The following CADM2 variants were observed in gnomAD, a reference collection of about 807,000 sequenced individuals.
CADM2 encodes cell adhesion molecule 2.
In CADM2, 12 loss-of-function variants were observed where a neutral mutation model predicts 49.8. The observed-to-expected ratio is 0.24, with a 90% CI of 0.15 to 0.39. CADM2 has a LOEUF of 0.39. CADM2 is among the 10% of genes least tolerant of loss of function. The pLI, the probability that CADM2 is intolerant of heterozygous loss-of-function variation, is 1.00. For synonymous variants in CADM2, 214 were observed against 175.4 expected, an observed-to-expected ratio of 1.22 and a Z score of -1.74; for missense variants, 378 against 492.3, an observed-to-expected ratio of 0.77 and a Z score of 2.20.
chr3:85,564,092 T>G (rs2062180237), intron 1 of CADM2, among the ~76,000 whole-genome samples: 1 of 152,114 alleles, frequency 6.6e-6, no homozygotes, highest in Non-Finnish European at 1.5e-5. Flanking sequence ...TTCATGTTGC[T>G]TAGCTTGGTT....
intron 1 of CADM2, among the ~76,000 whole-genome samples, chr3:85,246,526 T>C (rs192483255): frequency 5.9e-5 from 9 of 152,188 alleles, no homozygotes; most frequent in Admixed American, 5.9e-4. Context: ...TAATACCAAA[T>C]GGCACAAGTT....
At chr3:85,795,140 A>G (rs1468571677) in intron 2 of CADM2, among the ~76,000 whole-genome samples, 1 of 152,128 alleles carries the variant, frequency 6.6e-6, no homozygotes, top group Non-Finnish European at 1.5e-5. Context: ...ATTCTGAAAT[A>G]CACAACATAT....
chr3:84,991,570 T>C (rs1425096360), intron 1 of CADM2, among the ~76,000 whole-genome samples: 1 of 152,186 alleles, frequency 6.6e-6, no homozygotes, highest in Non-Finnish European at 1.5e-5. Flanking sequence ...CAACACCAAA[T>C]GCTGTTGGAA....
At chr3:86,053,992 A>G (rs1445419109) in intron 8 of CADM2, among the ~76,000 whole-genome samples, 3 of 151,996 alleles carry the variant, frequency 2.0e-5, no homozygotes, top group Non-Finnish European at 4.4e-5. Context: ...TGTGAAAACT[A>G]AGGTAGAGGG....
In CADM2 at chr3:85,946,335, G is replaced by A. The variant is rs570322561; in HGVS notation, c.791+10478G>A. Among the ~76,000 whole-genome samples the A allele has an allele frequency of 4.8e-3, 710 of 148,058 alleles. 7 individuals are homozygous for A. Among genetic ancestry groups the A allele is most frequent in the African/African-American group, 0.017 (665 of 38,048 alleles). ...CTCATAAACAGGAAGAATCAATATG[G>A]TGAAAATGGCCATACTGCCCAAGGT... On this transcript the variant is annotated intron_variant, in intron 7 of 9. Transcript: ENST00000383699.
intron 1 of CADM2, among the ~76,000 whole-genome samples, chr3:85,329,989 T>C (rs1218259116): frequency 2.0e-5 from 3 of 152,202 alleles, no homozygotes; most frequent in Non-Finnish European, 4.4e-5. Context: ...GGCTGCTGTT[T>C]AGGAGATAAC....
rs55653420 is a variant in CADM2, at chr3:85,468,216, T to C, written c.62-258306T>C. Among the ~76,000 whole-genome samples the C allele has an allele frequency of 3.9e-3, 581 of 148,970 alleles. 3 individuals carry two copies. Among genetic ancestry groups the C allele is most frequent in the African/African-American group, 0.014 (560 of 40,128 alleles). On this transcript the variant is annotated intron_variant, in intron 1 of 9. Coordinates refer to ENST00000383699, the MANE Select transcript of CADM2 (RefSeq NM_001167675.2). ...AGGAAAACTAATATCGATTCCTGGC[T>C]GAGACCACTGTCTGTTGTTTGCATG... is the stretch of plus-strand genomic sequence containing the variant.
At chr3:85,356,117 C>T (rs1351230444) in intron 1 of CADM2, among the ~76,000 whole-genome samples, 1 of 152,004 alleles carries the variant, frequency 6.6e-6, no homozygotes, top group East Asian at 1.9e-4. Flanking sequence ...TATGCCAACC[C>T]TCACTAGCTG....
chr3:85,128,485 A>G (rs1046664568), intron 1 of CADM2, among the ~76,000 whole-genome samples: 2 of 152,200 alleles, frequency 1.3e-5, no homozygotes, highest in African/African-American at 4.8e-5. Context: ...ATAGCTTAAC[A>G]TTTCTAACAA....
chr3:85,557,135 T>G (rs1359307195), intron 1 of CADM2, among the ~76,000 whole-genome samples: 1 of 152,050 alleles, frequency 6.6e-6, no homozygotes, highest in Non-Finnish European at 1.5e-5. Context: ...AGATTTATCT[T>G]AATACATCTA....
chr3:85,498,258 T>C (rs2039985350), intron 1 of CADM2, among the ~76,000 whole-genome samples: 1 of 151,792 alleles, frequency 6.6e-6, no homozygotes, highest in South Asian at 2.1e-4. Context: ...GCTGAAGTGC[T>C]GTCTAGTGTT....
At chr3:85,286,034 A>G (rs1053541036) in intron 1 of CADM2, among the ~76,000 whole-genome samples, 1 of 152,110 alleles carries the variant, frequency 6.6e-6, no homozygotes, top group Non-Finnish European at 1.5e-5. Context: ...TAGGGAAGTA[A>G]GGTTTGAAGC....
chr3:85,033,773 G>C (rs1016305), intron 1 of CADM2, among the ~76,000 whole-genome samples: 1 of 151,864 alleles, frequency 6.6e-6, no homozygotes, highest in African/African-American at 2.4e-5. Flanking sequence ...GAGAATGCAA[G>C]TACAATATAT....
chr3:85,531,108 C>T (rs936916650), intron 1 of CADM2, among the ~76,000 whole-genome samples: 1 of 152,066 alleles, frequency 6.6e-6, no homozygotes, highest in African/African-American at 2.4e-5. Flanking sequence ...CCTGTGAACC[C>T]GATTCACTGA....
intron 1 of CADM2, among the ~76,000 whole-genome samples, chr3:85,201,562 C>T (rs994733740): frequency 6.6e-6 from 1 of 152,114 alleles, no homozygotes; most frequent in African/African-American, 2.4e-5. Context: ...TTGACTCCAC[C>T]TTTCATTAAT....
chr3:85,623,384 AG>A (rs1156716400), intron 1 of CADM2, among the ~76,000 whole-genome samples: 1 of 152,144 alleles, frequency 6.6e-6, no homozygotes, highest in Non-Finnish European at 1.5e-5. Flanking sequence ...TACGTTTACT[AG>A]AGATTCTTGA....
intron 1 of CADM2, among the ~76,000 whole-genome samples, chr3:85,486,254 G>A (rs548845469): frequency 5.3e-5 from 8 of 152,076 alleles, no homozygotes; most frequent in East Asian, 3.9e-4. Flanking sequence ...ATTTTATGGC[G>A]TATGTAATTT....
intron 1 of CADM2, among the ~76,000 whole-genome samples, chr3:85,267,927 T>C (rs1340704798): frequency 6.6e-6 from 1 of 151,700 alleles, no homozygotes; most frequent in Non-Finnish European, 1.5e-5. Context: ...TGTAAAGTCA[T>C]GTATTGAAAG....
chr3:85,880,453 T>A (rs113423160), intron 3 of CADM2, among the ~76,000 whole-genome samples: 1 of 152,156 alleles, frequency 6.6e-6, no homozygotes, highest in Non-Finnish European at 1.5e-5. Context: ...AATTCTTTTA[T>A]GTTTGAAAAA....
Sources: gnomAD v4.1 joint callset for allele counts (sites outside exome capture counted in the v4.1 genomes callset) on GRCh38, gnomAD v4.1.1 for gene constraint, MANE v1.5 for transcripts, NCBI Gene and HGNC (gene_info 2026-07-23, HGNC 2026-07-21) for gene names.